CCSAP: variants seen among roughly 807,000 people sequenced by gnomAD.
The protein encoded by CCSAP is centriole, cilia and spindle-associated protein.
Under a neutral mutation model 25.9 loss-of-function variants are expected in CCSAP, and 17 were observed. The observed-to-expected ratio is 0.66, with a 90% CI of 0.45 to 0.99. CCSAP has a LOEUF of 0.99. Among genes scored for constraint, CCSAP ranks in the 50% least tolerant of loss-of-function variants. The pLI is 0.00. For missense variants in CCSAP, 339 were observed against 367.8 expected (o/e 0.92, Z 0.64); for synonymous variants, 169 against 157.1 (o/e 1.08, Z -0.57).
chr1:229,336,017 T>G (rs981876569), intron 2 of CCSAP, among the ~76,000 whole-genome samples: 2 of 151,804 alleles, frequency 1.3e-5, no homozygotes, highest in African/African-American at 4.8e-5. Context: ...GTATTAGGTA[T>G]TATAAGTAAT....
At position 229,327,598 on chromosome 1, in the gene CCSAP, G is replaced by A. The variant is rs529247894; in HGVS notation, c.368-592C>T. The stretch of plus-strand genomic sequence containing the variant: ...AAAAATGAGGGCCCCGGCCGGGTGC[G>A]GTGGCTCACACCTGTAATCCCAGCA... On this transcript the variant is annotated intron_variant, in intron 2 of 3. Transcript: ENST00000284617. 2.0e-4 allele frequency: 90 copies of A among 455,840 alleles called. 1 individual carries two copies. Among genetic ancestry groups the A allele is most frequent in the South Asian group, 1.3e-3 (81 of 64,548 alleles). 28.2% of individuals were successfully genotyped at this position (455,840 alleles called of 1,614,324 possible). A position where few individuals can be genotyped will look rare whatever the true frequency, so the allele number is the denominator to read the frequency against.
intron 2 of CCSAP, among the ~76,000 whole-genome samples, chr1:229,332,002 C>G (rs1658080329): frequency 6.6e-6 from 1 of 151,794 alleles, no homozygotes; most frequent in African/African-American, 2.4e-5. Context: ...GCCACAACAC[C>G]CGGCTAATTT....
chr1:229,335,973 T>C (rs563966180), intron 2 of CCSAP, among the ~76,000 whole-genome samples: 2 of 152,052 alleles, frequency 1.3e-5, no homozygotes, highest in African/African-American at 2.4e-5. Context: ...AAATTAAAAA[T>C]ATAGTAGAAA....
chr1:229,342,021 TAA>T lies in CCSAP; in HGVS notation c.367+76_367+77del. 2.4e-6 allele frequency: 3 copies of T among 1,259,970 alleles called. No individual in the cohort carries two copies. The highest frequency in any genetic ancestry group is 1.6e-5 in the African/African-American group (1 of 63,980). The allele number at this position is 1,259,970 out of a possible 1,614,324, so 78.0% of individuals were successfully genotyped here. On this transcript the variant is annotated intron_variant, in intron 2 of 3. Coordinates refer to ENST00000284617, the MANE Select transcript of CCSAP (RefSeq NM_145257.5). The surrounding 1 kb of genome is among the most constrained non-coding windows in gnomAD (Gnocchi z 7.5). ...AGCCAGCCCCGAGTGGCGCAAGAAA[TAA>T]GAGATCAGCTGCTCAGAGCTTAGAG...
chr1:229,330,692 CT>C (rs1357474880), intron 2 of CCSAP, among the ~76,000 whole-genome samples: 1 of 151,790 alleles, frequency 6.6e-6, no homozygotes, highest in Non-Finnish European at 1.5e-5. Flanking sequence ...AATACAAAAA[CT>C]AATTAGCCGG....
chr1:229,326,643 C>G, intron 3 of CCSAP, 95 bp downstream of exon 3: 1 of 1,471,820 alleles, frequency 6.8e-7, no homozygotes, highest in Non-Finnish European at 9.3e-7. Flanking sequence ...GCCCAAAGCA[C>G]CCAGTGGCCA....
rs549973407 is a variant in CCSAP, at chr1:229,324,073, G to T, written c.*1162C>A. ...GAAGGAGCACTATTTACATAAATTT[G>T]TGCCTACCCACACACCACCATTCTC... On this transcript the variant is annotated 3_prime_UTR_variant, in exon 4 of 4. Transcript: ENST00000284617. 2 of 152,712 alleles carry T rather than the reference G, an allele frequency of 1.3e-5. No homozygotes were observed. Among genetic ancestry groups the T allele is most frequent in the South Asian group, 4.1e-4 (2 of 4,820 alleles). The allele number at this position is 152,712 out of a possible 1,614,324, so 9.5% of individuals were successfully genotyped here.
chr1:229,330,581 G>A (rs1464301631), intron 2 of CCSAP, among the ~76,000 whole-genome samples: 4 of 152,208 alleles, frequency 2.6e-5, no homozygotes, highest in Non-Finnish European at 5.9e-5. Context: ...GGTGGCTCAC[G>A]CCTATAATCC....
At chr1:229,336,314 C>T (rs536242767) in intron 2 of CCSAP, among the ~76,000 whole-genome samples, 30 of 151,776 alleles carry the variant, frequency 2.0e-4, no homozygotes, top group African/African-American at 7.0e-4. Flanking sequence ...CAGTCTTGAG[C>T]GGCAGAAGCA....
rs1258666292 is a variant in CCSAP at position 229,342,620 on chromosome 1, T to C, written c.-48-107A>G. 2.3e-6 allele frequency: 1 copy of C among 428,290 alleles called. No homozygotes were observed. Among genetic ancestry groups the C allele is most frequent in the African/African-American group, 2.1e-5 (1 of 47,750 alleles). The allele number at this position is 428,290 out of a possible 1,614,324, so 26.5% of individuals were successfully genotyped here. A position where few individuals can be genotyped will look rare whatever the true frequency, so the allele number is the denominator to read the frequency against. On this transcript the variant is annotated intron_variant, in intron 1 of 3. Coordinates refer to ENST00000284617, the MANE Select transcript of CCSAP (RefSeq NM_145257.5). This position sits in a 1 kb window ranked among gnomAD's most constrained non-coding sequence, Gnocchi z 7.5. ...CGCCCGGACGGGAGCAGGGGGCGGG[T>C]CCCGGCGAGGGCGGGGAGGGGGCGG...
chr1:229,325,321 C>T lies in CCSAP; in HGVS notation c.727G>A (p.Val243Met). The change falls in exon 4 of 4, where the codon GTG (valine) becomes ATG (methionine). Residue 243 changes from valine (V) to methionine (M), a missense_variant. Val to Met is a conservative substitution (Grantham distance 21). Coordinates refer to ENST00000284617, the MANE Select transcript of CCSAP (RefSeq NM_145257.5). ...AQRQRAHSVD[V>M]EKNRKMKASS... ...GCCTTCATCTTTCTGTTCTTCTCCACATCCACAGAGTGAGCTCGCTGCCTT... is the reference window on the plus strand; with the variant it reads ...GCCTTCATCTTTCTGTTCTTCTCCATATCCACAGAGTGAGCTCGCTGCCTT... The T allele has an allele frequency of 1.2e-6, 2 of 1,614,220 alleles. No homozygotes were observed. The highest frequency in any genetic ancestry group is 1.7e-6 in the Non-Finnish European group (2 of 1,180,018).
chr1:229,328,393 T>C (rs1657996180), intron 2 of CCSAP, among the ~76,000 whole-genome samples: 1 of 152,162 alleles, frequency 6.6e-6, no homozygotes, highest in Admixed American at 6.5e-5. Context: ...CTCAACCTCC[T>C]GGGCTCAAGT....
intron 2 of CCSAP, among the ~76,000 whole-genome samples, chr1:229,329,355 T>C (rs1425623067): frequency 1.3e-5 from 2 of 152,194 alleles, no homozygotes; most frequent in African/African-American, 4.8e-5. Flanking sequence ...GAATGGCTTC[T>C]TCAATGGCAT....
Position 229,324,772 on chromosome 1 carries a change from A to C in CCSAP, c.*463T>G, listed in dbSNP as rs1336192581. The stretch of plus-strand genomic sequence containing the variant: ...TTTTTGACTTGATATTCTTTCACAA[A>C]CAAAACGGCATATAAGGAAAACGAG... On this transcript the variant is annotated 3_prime_UTR_variant, in exon 4 of 4. Transcript: ENST00000284617. 1 of 152,910 alleles carries C rather than the reference A, an allele frequency of 6.5e-6. No individual in the cohort carries two copies. Among genetic ancestry groups the C allele is most frequent in the Non-Finnish European group, 1.5e-5 (1 of 68,412 alleles). The allele number at this position is 152,910 out of a possible 1,614,324, so 9.5% of individuals were successfully genotyped here.
At chr1:229,340,143 A>G (rs541570869) in intron 2 of CCSAP, among the ~76,000 whole-genome samples, 16 of 152,308 alleles carry the variant, frequency 1.1e-4, no homozygotes, top group African/African-American at 3.9e-4. Context: ...TTTTATAGAA[A>G]CTCAAAAGAG....
At position 229,326,839 on chromosome 1, in the gene CCSAP, C is replaced by G. The variant is rs1657951454; in HGVS notation, c.535G>C (p.Glu179Gln). 6.2e-7 allele frequency: 1 copy of G among 1,614,034 alleles called. No individual in the cohort carries two copies. Among genetic ancestry groups the G allele is most frequent in the African/African-American group, 1.3e-5 (1 of 74,928 alleles). ...TAAAGAGCAAATGGATGCTTGTTTTCTTTTATTTTACTCGATGATCTTTGG... is the reference window on the plus strand; with the variant it reads ...TAAAGAGCAAATGGATGCTTGTTTTGTTTTATTTTACTCGATGATCTTTGG... ...SPQRSSSKIK[E>Q]NKHPFALYGW... Residue 179 changes from glutamate (E) to glutamine (Q), a missense_variant, in exon 3 of 4, where the codon GAA (glutamate) becomes CAA (glutamine). Physicochemically the swap from Glu to Gln is conservative, Grantham distance 29. Coordinates refer to ENST00000284617, the MANE Select transcript of CCSAP (RefSeq NM_145257.5).
Position 229,342,096 on chromosome 1 carries a change from T to C in CCSAP, c.367+3A>G. The C allele has an allele frequency of 7.4e-7, 1 of 1,346,630 alleles. No individual in the cohort carries two copies. The highest frequency in any genetic ancestry group is 9.5e-7 in the Non-Finnish European group (1 of 1,051,306). The allele number at this position is 1,346,630 out of a possible 1,614,324, so 83.4% of individuals were successfully genotyped here. A position where few individuals can be genotyped will look rare whatever the true frequency, so the allele number is the denominator to read the frequency against. ...CCCTCGCGCTCCCCTCCGGGCCGGG[T>C]ACCTGGCAGAGCCGCGTCCTCCGCG... On this transcript the variant is annotated splice_donor_region_variant and intron_variant, in intron 2 of 3. Coordinates refer to ENST00000284617, the MANE Select transcript of CCSAP (RefSeq NM_145257.5). The surrounding 1 kb of genome is among the most constrained non-coding windows in gnomAD (Gnocchi z 7.5).
intron 2 of CCSAP, among the ~76,000 whole-genome samples, chr1:229,337,021 G>C (rs568643298): frequency 6.6e-6 from 1 of 152,196 alleles, no homozygotes; most frequent in East Asian, 1.9e-4. Context: ...AAAAATGTTA[G>C]GGGACTGATC....
intron 2 of CCSAP, among the ~76,000 whole-genome samples, chr1:229,339,632 G>A (rs1658283162): frequency 6.6e-6 from 1 of 152,226 alleles, no homozygotes; most frequent in Non-Finnish European, 1.5e-5. Flanking sequence ...CTCCCAAGAT[G>A]CCAGCCAGGC....
Sources: allele counts gnomAD v4.1 joint callset (sites outside exome capture counted in the v4.1 genomes callset), GRCh38; gene constraint gnomAD v4.1.1; non-coding constraint Gnocchi (gnomAD v3.1); transcripts MANE v1.5; gene names NCBI Gene and HGNC (gene_info 2026-07-23, HGNC 2026-07-21).